ZFP91: variants seen among roughly 807,000 people sequenced by gnomAD.
The protein encoded by ZFP91 is ZFP91 zinc finger protein, atypical E3 ubiquitin ligase.
In ZFP91, 7 loss-of-function variants were observed where a neutral mutation model predicts 63.5. The ratio of observed to expected loss-of-function variants is 0.11; its 90% CI spans 0.06 to 0.21. ZFP91 has a LOEUF of 0.21. ZFP91 is among the 10% of genes least tolerant of loss of function. The probability of loss-of-function intolerance (pLI) is 1.00; values close to 1 mark genes in which losing one functional copy is unlikely to be tolerated. For synonymous variants in ZFP91, 330 were observed against 272.1 expected (o/e 1.21, Z -2.10); for missense variants, 628 against 736.6 (o/e 0.85, Z 1.71).
Position 58,579,292 on chromosome 11 carries a change from A to C in ZFP91, c.11A>C (p.Glu4Ala). MPGETEEPRPPEQQ... is the reference protein window; with the variant it reads MPGATEEPRPPEQQ... Reference sequence around the variant, plus strand: ...GACGGACAAGCCCCGATGCCGGGGGAGACGGAAGAGCCGAGACCCCCGGAG... The same window carrying C: ...GACGGACAAGCCCCGATGCCGGGGGCGACGGAAGAGCCGAGACCCCCGGAG... Residue 4 changes from glutamate (E) to alanine (A), a missense_variant, in exon 1 of 11, where the codon GAG becomes GCG. Physicochemically the swap from Glu to Ala is moderately radical, Grantham distance 107 (BLOSUM62 -1). Coordinates refer to ENST00000316059, the MANE Select transcript of ZFP91 (RefSeq NM_053023.5). The C allele has an allele frequency of 6.9e-7, 1 of 1,458,562 alleles. No homozygotes were observed. Among genetic ancestry groups the C allele is most frequent in the Middle Eastern group, 2.4e-4 (1 of 4,208 alleles). 90.4% of individuals were successfully genotyped at this position (1,458,562 alleles called of 1,614,324 possible).
intron 2 of ZFP91, among the ~76,000 whole-genome samples, chr11:58,609,023 C>T (rs1855613793): frequency 6.6e-6 from 1 of 152,062 alleles, no homozygotes; most frequent in Non-Finnish European, 1.5e-5. Context: ...TTGGGCCTTT[C>T]CCGTTCTGAG....
At chr11:58,584,216 TCTTTTTA>T (rs1855165953) in intron 1 of ZFP91, among the ~76,000 whole-genome samples, 1 of 152,154 alleles carries the variant, frequency 6.6e-6, no homozygotes, top group Non-Finnish European at 1.5e-5. Context: ...CCACCTATTG[TCTTTTTA>T]CAAGTAGATT....
chr11:58,606,748 T>G (rs556326725), intron 2 of ZFP91, among the ~76,000 whole-genome samples: 25 of 152,288 alleles, frequency 1.6e-4, no homozygotes, highest in Non-Finnish European at 3.4e-4. Flanking sequence ...TCCTTTCGCT[T>G]ATATTCATCA....
At chr11:58,592,079 CTTTTTTTTTTT>C (rs34964779) in intron 2 of ZFP91, among the ~76,000 whole-genome samples, 14 of 108,406 alleles carry the variant, frequency 1.3e-4, no homozygotes, top group African/African-American at 4.6e-4. Flanking sequence ...CTGAGCACAT[CTTTTTTTTTTT>C]TTTTTTTTTT....
chr11:58,611,655 G>A lies in ZFP91; in HGVS notation c.774G>A (p.Glu258=). The part of the protein sequence containing the change: ...RKSGKVKEEK[E]KKEIKVEVEV... Reference sequence around the variant, plus strand: ...CAGGGAAGGTAAAAGAAGAGAAGGAGAAGAAGGAAATTAAAGTGGAAGTAG... The same window carrying A: ...CAGGGAAGGTAAAAGAAGAGAAGGAAAAGAAGGAAATTAAAGTGGAAGTAG... The change falls in exon 6 of 11, where the codon GAG becomes GAA. Residue 258 remains glutamate, a synonymous_variant. Coordinates refer to ENST00000316059, the MANE Select transcript of ZFP91 (RefSeq NM_053023.5). The A allele has an allele frequency of 1.9e-6, 3 of 1,612,798 alleles. No homozygotes were observed. The highest frequency in any genetic ancestry group is 1.7e-6 in the Non-Finnish European group (2 of 1,179,278).
intron 2 of ZFP91, among the ~76,000 whole-genome samples, chr11:58,589,916 TTACC>T (rs1239239253): frequency 6.6e-6 from 1 of 152,218 alleles, no homozygotes; most frequent in African/African-American, 2.4e-5. Context: ...AGTTATGGGA[TTACC>T]TATCAGGTAA....
At chr11:58,615,470 T>C (rs1359220553) in intron 9 of ZFP91, among the ~76,000 whole-genome samples, 2 of 152,360 alleles carry the variant, frequency 1.3e-5, no homozygotes, top group African/African-American at 4.8e-5. Context: ...CAAATATTTA[T>C]ATTTGGTTAA....
Position 58,619,825 on chromosome 11 carries a change from A to G in ZFP91, c.*2119A>G, listed in dbSNP as rs2134430348. On this transcript the variant is annotated 3_prime_UTR_variant, in exon 11 of 11. Coordinates refer to ENST00000316059, the MANE Select transcript of ZFP91 (RefSeq NM_053023.5). ...GTATATTGACTAGATTTGAAAATAC[A>G]AGATTGATTAGATGAATCTACAAAA... 1 of 152,588 alleles carries G rather than the reference A, an allele frequency of 6.6e-6. No homozygotes were observed. Among genetic ancestry groups the G allele is most frequent in the South Asian group, 2.1e-4 (1 of 4,824 alleles). 9.5% of individuals were successfully genotyped at this position (152,588 alleles called of 1,614,324 possible). A position where few individuals can be genotyped will look rare whatever the true frequency, so the allele number is the denominator to read the frequency against.
rs1855812111 is a variant in ZFP91 at position 58,619,563 on chromosome 11, G to A, written c.*1857G>A. On this transcript the variant is annotated 3_prime_UTR_variant, in exon 11 of 11. Coordinates refer to ENST00000316059, the MANE Select transcript of ZFP91 (RefSeq NM_053023.5). ...AAGAATTCTTTTTTCCCAAAAAGAG[G>A]AGTAACAAAATGTCATTTCTGAAAG... is the stretch of plus-strand genomic sequence containing the variant. The A allele has an allele frequency of 1.3e-5, 2 of 152,524 alleles. No homozygotes were observed. Among genetic ancestry groups the A allele is most frequent in the South Asian group, 4.1e-4 (2 of 4,828 alleles). The allele number at this position is 152,524 out of a possible 1,614,324, so 9.4% of individuals were successfully genotyped here.
In ZFP91 at chr11:58,617,398, C is replaced by G; in HGVS notation, c.1405C>G (p.Leu469Val). 1 of 1,613,622 alleles carries G rather than the reference C, an allele frequency of 6.2e-7. No individual in the cohort carries two copies. The highest frequency in any genetic ancestry group is 8.5e-7 in the Non-Finnish European group (1 of 1,179,770). The change falls in exon 11 of 11, where the codon CTC (leucine) becomes GTC (valine). Residue 469 changes from leucine to valine, a missense_variant. Transcript: ENST00000316059. This position sits in a 1 kb window ranked among gnomAD's most constrained non-coding sequence, Gnocchi z 4.2. ...AGCTCTGGCTGCCAATGCAGGCGCC[C>G]TCATCACCAGCACAGATATCTTGGG... ...AEALAANAGA[L>V]ITSTDILGTN...
chr11:58,580,806 G>C (rs1168612057), intron 1 of ZFP91, among the ~76,000 whole-genome samples: 1 of 152,208 alleles, frequency 6.6e-6, no homozygotes, highest in Non-Finnish European at 1.5e-5. Flanking sequence ...ACATAATTTA[G>C]AGAATTTGTT....
Position 58,620,087 on chromosome 11 carries a change from T to C in ZFP91, c.*2381T>C, listed in dbSNP as rs1003427533. 2 of 152,230 alleles carry C rather than the reference T, an allele frequency of 1.3e-5. No individual in the cohort carries two copies. The highest frequency in any genetic ancestry group is 4.8e-5 in the African/African-American group (2 of 41,464). The allele number at this position is 152,230 out of a possible 1,614,324, so 9.4% of individuals were successfully genotyped here. A position where few individuals can be genotyped will look rare whatever the true frequency, so the allele number is the denominator to read the frequency against. ...GCTCTCCCAACAAAAAAACAACTAG[T>C]TAGTTCTACTAATTAGAAACTTGCT... On this transcript the variant is annotated 3_prime_UTR_variant, in exon 11 of 11. Transcript: ENST00000316059.
At chr11:58,601,591 T>C (rs1704188517) in intron 2 of ZFP91, among the ~76,000 whole-genome samples, 1 of 152,046 alleles carries the variant, frequency 6.6e-6, no homozygotes, top group Non-Finnish European at 1.5e-5. Context: ...GATGTTAGGT[T>C]ATTGATTCAG....
intron 2 of ZFP91, among the ~76,000 whole-genome samples, chr11:58,595,413 T>A (rs542109029): frequency 6.6e-6 from 1 of 152,268 alleles, no homozygotes; most frequent in South Asian, 2.1e-4. Flanking sequence ...CCTTCTAACT[T>A]AAAGTATTTT....
chr11:58,596,747 T>G, intron 2 of ZFP91, among the ~76,000 whole-genome samples: 1 of 151,856 alleles, frequency 6.6e-6, no homozygotes, highest in East Asian at 1.9e-4. Flanking sequence ...CATGATTTCC[T>G]TGATTGGCTC....
At chr11:58,593,837 G>T (rs2134399245) in intron 2 of ZFP91, among the ~76,000 whole-genome samples, 1 of 152,290 alleles carries the variant, frequency 6.6e-6, no homozygotes, top group Admixed American at 6.5e-5. Flanking sequence ...GTTCAAGTCA[G>T]AAATCTAGAA....
chr11:58,609,818 C>CT lies in ZFP91; in HGVS notation c.371-7dup, dbSNP rs1322022964. The CT allele has an allele frequency of 6.2e-6, 10 of 1,612,754 alleles. No individual in the cohort carries two copies. The highest frequency in any genetic ancestry group is 8.5e-6 in the Non-Finnish European group (10 of 1,178,844). On this transcript the variant is annotated splice_polypyrimidine_tract_variant and intron_variant, in intron 2 of 10. Coordinates refer to ENST00000316059, the MANE Select transcript of ZFP91 (RefSeq NM_053023.5). ...TGTAAACTTAAAGAGAATGGTATGT[C>CT]TTTTTATTTAGATCCCAAGGAAGAA...
Position 58,618,646 on chromosome 11 carries a change from A to G in ZFP91, c.*940A>G, listed in dbSNP as rs943523581. 2 of 456,260 alleles carry G rather than the reference A, an allele frequency of 4.4e-6. No homozygotes were observed. Among genetic ancestry groups the G allele is most frequent in the Non-Finnish European group, 4.4e-6 (1 of 226,836 alleles). 28.3% of individuals were successfully genotyped at this position (456,260 alleles called of 1,614,324 possible). On this transcript the variant is annotated 3_prime_UTR_variant, in exon 11 of 11. Coordinates refer to ENST00000316059, the MANE Select transcript of ZFP91 (RefSeq NM_053023.5). ...GAGAGAGAGATTAGATTATTTTGAC[A>G]TGGGATCCCTTCCATAACAGGTACT...
chr11:58,593,389 T>C (rs945684956), intron 2 of ZFP91, among the ~76,000 whole-genome samples: 1 of 152,206 alleles, frequency 6.6e-6, no homozygotes, highest in Admixed American at 6.5e-5. Context: ...CTCTTTCCTT[T>C]TCTTAAACGT....
Sources: gnomAD v4.1 joint callset for allele counts (sites outside exome capture counted in the v4.1 genomes callset) on GRCh38, gnomAD v4.1.1 for gene constraint, Gnocchi (gnomAD v3.1) non-coding constraint, MANE v1.5 for transcripts, NCBI Gene and HGNC (gene_info 2026-07-23, HGNC 2026-07-21) for gene names.